Variants in DERA observed in about 807,000 individuals in gnomAD.
DERA encodes 2-deoxy-D-ribose 5-phosphate aldolase.
Under a neutral mutation model 41.1 loss-of-function variants are expected in DERA, and 15 were observed. The ratio of observed to expected loss-of-function variants is 0.37; its 90% confidence interval spans 0.24 to 0.56. DERA has a LOEUF of 0.56. Among genes scored for constraint, DERA ranks in the 20% least tolerant of loss-of-function variants. DERA has a pLI of 0.81. For missense variants in DERA, 396 were observed against 403.4 expected (o/e 0.98, Z 0.16); for synonymous variants, 139 against 137.4 (o/e 1.01, Z -0.08).
intron 1 of DERA, among the ~76,000 whole-genome samples, chr12:15,946,906 A>G (rs1948455171): frequency 6.6e-6 from 1 of 152,198 alleles, no homozygotes; most frequent in African/African-American, 2.4e-5. Context: ...AATGTGTCCC[A>G]GAGATTCTGG....
rs753973330 is a variant in DERA, at chr12:16,021,616, C to T, written c.638-10926C>T. ...TAGAGCCACCAGCAGTTTGCAACTA[C>T]CACATGGAAAAGCCACAGGGCAGAG... is the stretch of plus-strand genomic sequence containing the variant. On this transcript the variant is annotated intron_variant, in intron 6 of 8. Coordinates refer to ENST00000428559, the MANE Select transcript of DERA (RefSeq NM_015954.4). The surrounding 1 kb of genome is among the most constrained non-coding windows in gnomAD (Gnocchi z 5.3). Among the ~76,000 whole-genome samples the T allele has an allele frequency of 1.3e-5, 2 of 152,214 alleles. No individual in the cohort carries two copies. Among genetic ancestry groups the T allele is most frequent in the Non-Finnish European group, 2.9e-5 (2 of 68,026 alleles).
intron 5 of DERA, among the ~76,000 whole-genome samples, chr12:15,968,762 C>G (rs1378310214): frequency 6.6e-6 from 1 of 152,162 alleles, no homozygotes; most frequent in Non-Finnish European, 1.5e-5. Context: ...TTGCTTGGCC[C>G]AGATGCAGCC....
chr12:15,912,342 A>G (rs931601739), intron 1 of DERA, among the ~76,000 whole-genome samples: 2 of 152,220 alleles, frequency 1.3e-5, no homozygotes, highest in Non-Finnish European at 2.9e-5. Flanking sequence ...GGATAAGGTC[A>G]CAGATCAACA....
chr12:15,926,742 G>GAAAAAAAAAA (rs71051274), intron 1 of DERA, among the ~76,000 whole-genome samples: 6 of 120,118 alleles, frequency 5.0e-5, no homozygotes, highest in East Asian at 2.4e-4. Flanking sequence ...GTCTCAAAAA[G>GAAAAAAAAAA]AAAAAAAAAA....
At position 15,999,097 on chromosome 12, in the gene DERA, A is replaced by G. The variant is rs1399544352; in HGVS notation, c.637+16661A>G. 6.6e-6 allele frequency among the ~76,000 whole-genome samples: 1 copy of G among 152,058 alleles called. No individual in the cohort carries two copies. The highest frequency in any genetic ancestry group is 1.5e-5 in the Non-Finnish European group (1 of 68,002). ...GGGAATGGGAGGAAATGAGGGATGG[A>G]GGGTTGGTGAGGGCTGGAGGGAAGA... On this transcript the variant is annotated intron_variant, in intron 6 of 8. Transcript: ENST00000428559. The surrounding 1 kb of genome is among the most constrained non-coding windows in gnomAD (Gnocchi z 5.3).
chr12:15,987,966 G>A (rs942366726), intron 6 of DERA, among the ~76,000 whole-genome samples: 17 of 152,260 alleles, frequency 1.1e-4, no homozygotes, highest in Admixed American at 2.6e-4. Flanking sequence ...CATCAGCTGC[G>A]GCAGGGTGGG....
rs1948896778 is a variant in DERA, at chr12:16,004,496, T to C, written c.637+22060T>C. Among the ~76,000 whole-genome samples, 1 of 152,066 alleles carries C rather than the reference T, an allele frequency of 6.6e-6. No homozygotes were observed. Among genetic ancestry groups the C allele is most frequent in the African/African-American group, 2.4e-5 (1 of 41,414 alleles). ...CAATTCTTAATTTTTCTTAGTACAT[T>C]GAAAAAAATTAAAGCTAGTAAGGAA... On this transcript the variant is annotated intron_variant, in intron 6 of 8. Transcript: ENST00000428559. This position sits in a 1 kb window ranked among gnomAD's most constrained non-coding sequence, Gnocchi z 4.2.
At chr12:15,952,067 A>C (rs1471672896) in intron 1 of DERA, among the ~76,000 whole-genome samples, 2 of 151,932 alleles carry the variant, frequency 1.3e-5, no homozygotes, top group African/African-American at 4.8e-5. Context: ...TGCCCAGCTA[A>C]TTTTTGTGCT....
Position 15,957,055 on chromosome 12 carries a change from T to C in DERA, c.129+22T>C, listed in dbSNP as rs945677741. On this transcript the variant is annotated intron_variant, in intron 2 of 8. Coordinates refer to ENST00000428559, the MANE Select transcript of DERA (RefSeq NM_015954.4). This position sits in a 1 kb window ranked among gnomAD's most constrained non-coding sequence, Gnocchi z 4.8. ...GCAGGTAAGGGTTCTTCTTGAGCAT[T>C]CTGTGCCTGTATTTTACAATGCATG... 1.0e-5 allele frequency: 16 copies of C among 1,583,922 alleles called. No homozygotes were observed. The highest frequency in any genetic ancestry group is 1.4e-5 in the Non-Finnish European group (16 of 1,153,026).
intron 1 of DERA, among the ~76,000 whole-genome samples, chr12:15,912,539 C>T (rs1292859031): frequency 1.3e-5 from 2 of 152,084 alleles, no homozygotes; most frequent in African/African-American, 4.8e-5. Flanking sequence ...AATAACTTTG[C>T]GCTTAAGTTT....
rs1949121038 is a variant in DERA, at chr12:16,035,470, T to A, written c.751-762T>A. Among the ~76,000 whole-genome samples the A allele has an allele frequency of 2.0e-5, 3 of 151,918 alleles. No individual in the cohort carries two copies. In the South Asian group the frequency reaches 6.2e-4, roughly 32 times the overall value. ...AACATGTAAATCCAGATAATCAGAG[T>A]TTTATTGTATATGGAACATATCTTT... On this transcript the variant is annotated intron_variant, in intron 7 of 8. Coordinates refer to ENST00000428559, the MANE Select transcript of DERA (RefSeq NM_015954.4). The surrounding 1 kb of genome is among the most constrained non-coding windows in gnomAD (Gnocchi z 4.1).
Position 15,913,677 on chromosome 12 carries a change from A to AGG in DERA, c.31+2263_31+2264insGG, listed in dbSNP as rs145004120. ...TTCTAGTTCATGGACTTAAAAAAAC[A>AGG]TTGAGTTCCTTTGAGACTAAACCTG... On this transcript the variant is annotated intron_variant, in intron 1 of 8. Coordinates refer to ENST00000428559, the MANE Select transcript of DERA (RefSeq NM_015954.4). The surrounding 1 kb of genome is among the most constrained non-coding windows in gnomAD (Gnocchi z 4.5). Among the ~76,000 whole-genome samples, 1,264 of 152,306 alleles carry AGG rather than the reference A, an allele frequency of 8.3e-3. 20 individuals are homozygous for AGG. The highest frequency in any genetic ancestry group is 0.029 in the African/African-American group (1,201 of 41,564).
rs1209833863 is a variant in DERA, at chr12:16,010,459, G to T, written c.638-22083G>T. Among the ~76,000 whole-genome samples the T allele has an allele frequency of 6.6e-6, 1 of 150,908 alleles. No homozygotes were observed. The highest frequency in any genetic ancestry group is 1.5e-5 in the Non-Finnish European group (1 of 67,944). On this transcript the variant is annotated intron_variant, in intron 6 of 8. Coordinates refer to ENST00000428559, the MANE Select transcript of DERA (RefSeq NM_015954.4). The surrounding 1 kb of genome is among the most constrained non-coding windows in gnomAD (Gnocchi z 5.5). ...TGCTTGTACCTTTACCCATAGATGA[G>T]GTTTTCCGAGTTCTGCTGCTTTCCC...
chr12:15,975,654 C>A (rs930450050), intron 5 of DERA, among the ~76,000 whole-genome samples: 7 of 152,252 alleles, frequency 4.6e-5, no homozygotes, highest in African/African-American at 1.4e-4. Flanking sequence ...CAGGAAGGAA[C>A]AAGGACAGCT....
Position 15,911,764 on chromosome 12 carries a change from A to AT in DERA, c.31+351dup. ...ACAACCCCCAAGCAGGTAAAAACAG[A>AT]TAAAAACCTTCTTTCTCCTCCTTTT... On this transcript the variant is annotated intron_variant, in intron 1 of 8. Transcript: ENST00000428559. The surrounding 1 kb of genome is among the most constrained non-coding windows in gnomAD (Gnocchi z 4.5). The AT allele has an allele frequency of 1.8e-6, 1 of 566,536 alleles. No homozygotes were observed. Among genetic ancestry groups the AT allele is most frequent in the Non-Finnish European group, 3.3e-6 (1 of 299,098 alleles). The allele number at this position is 566,536 out of a possible 1,614,324, so 35.1% of individuals were successfully genotyped here.
chr12:16,023,373 C>G (rs1321342793), intron 6 of DERA, among the ~76,000 whole-genome samples: 1 of 151,960 alleles, frequency 6.6e-6, no homozygotes, highest in African/African-American at 2.4e-5. Context: ...AACCTTACAC[C>G]AAAGGCCCAT....
chr12:15,963,377 A>G (rs1948601370), intron 5 of DERA, among the ~76,000 whole-genome samples: 1 of 152,174 alleles, frequency 6.6e-6, no homozygotes, highest in South Asian at 2.1e-4. Flanking sequence ...TAATTTTTGC[A>G]GTCTTTAAAG....
rs572300091 is a variant in DERA at position 15,998,578 on chromosome 12, A to G, written c.637+16142A>G. On this transcript the variant is annotated intron_variant, in intron 6 of 8. Transcript: ENST00000428559. This position sits in a 1 kb window ranked among gnomAD's most constrained non-coding sequence, Gnocchi z 4.8. ...GTGATCCGCCTGCCTCAGCCTCCCA[A>G]TGTGCTGGAATTACAGGTGTGAGCC... Among the ~76,000 whole-genome samples the G allele has an allele frequency of 1.4e-4, 21 of 152,216 alleles. No individual in the cohort carries two copies. The East Asian group carries it at 2.7e-3, about 20-fold the overall frequency.
At position 15,911,972 on chromosome 12, in the gene DERA, C is replaced by CT. The variant is rs1488738514; in HGVS notation, c.31+565dup. ...ACCTGTATTATTTCCCAGTTTTCAT[C>CT]TTTTTTTATATTGTTCAAATACTGG... On this transcript the variant is annotated intron_variant, in intron 1 of 8. Coordinates refer to ENST00000428559, the MANE Select transcript of DERA (RefSeq NM_015954.4). The surrounding 1 kb of genome is among the most constrained non-coding windows in gnomAD (Gnocchi z 4.5). Among the ~76,000 whole-genome samples the CT allele has an allele frequency of 1.3e-5, 2 of 149,098 alleles. No individual in the cohort carries two copies. The highest frequency in any genetic ancestry group is 2.5e-5 in the African/African-American group (1 of 40,576).
Sources: allele counts gnomAD v4.1 joint callset (sites outside exome capture counted in the v4.1 genomes callset), GRCh38; gene constraint gnomAD v4.1.1; non-coding constraint Gnocchi (gnomAD v3.1); transcripts MANE v1.5; gene names NCBI Gene and HGNC (gene_info 2026-07-23, HGNC 2026-07-21).